ARHGEF12: variants seen among roughly 807,000 people sequenced by gnomAD.
ARHGEF12 encodes the protein KMT2A/ARHGEF12 fusion protein.
In ARHGEF12, 66 loss-of-function variants were observed where a neutral mutation model predicts 211.2. That is an observed-to-expected ratio of 0.31 (90% CI 0.26 to 0.38). The LOEUF (loss-of-function observed/expected upper bound fraction) is 0.38. ARHGEF12 is among the 10% of genes least tolerant of loss of function. ARHGEF12 has a pLI of 1.00. For missense variants in ARHGEF12, 1,429 were observed against 1,869.5 expected (o/e 0.76, Z 4.34); for synonymous variants, 592 against 638.4 (o/e 0.93, Z 1.09).
At chr11:120,385,545 A>C (rs914941716) in intron 1 of ARHGEF12, 2 of 940,334 alleles carry the variant, frequency 2.1e-6, no homozygotes, top group Non-Finnish European at 2.5e-6. Context: ...AAATGGTAGA[A>C]AAATAGCTTC....
At chr11:120,369,473 TAAAG>T (rs2135403247) in intron 1 of ARHGEF12, among the ~76,000 whole-genome samples, 1 of 152,316 alleles carries the variant, frequency 6.6e-6, no homozygotes, top group East Asian at 1.9e-4. Flanking sequence ...ATTTCAGAGA[TAAAG>T]GAGAGCTATT....
intron 29 of ARHGEF12, among the ~76,000 whole-genome samples, chr11:120,469,024 G>A (rs2135946284): frequency 6.6e-6 from 1 of 152,220 alleles, no homozygotes; most frequent in East Asian, 1.9e-4. Context: ...TTCACGTAAA[G>A]CATCTCTTCT....
chr11:120,374,104 G>A (rs1943662249), intron 1 of ARHGEF12, among the ~76,000 whole-genome samples: 1 of 152,146 alleles, frequency 6.6e-6, no homozygotes, highest in Non-Finnish European at 1.5e-5. Context: ...ACCGCACCCG[G>A]CCAAAAAATG....
Position 120,448,228 on chromosome 11 carries a change from C to A in ARHGEF12, c.1623-6C>A. ...GTCTTAATTTACTTCGTCCTTTCTCCTCCAGCTCCACCATGCAGTATGTTA... is the reference window on the plus strand; with the variant it reads ...GTCTTAATTTACTTCGTCCTTTCTCATCCAGCTCCACCATGCAGTATGTTA... On this transcript the variant is annotated splice_polypyrimidine_tract_variant and splice_region_variant and intron_variant, in intron 19 of 40. Coordinates refer to ENST00000397843, the MANE Select transcript of ARHGEF12 (RefSeq NM_015313.3). The A allele has an allele frequency of 6.2e-7, 1 of 1,602,776 alleles. No individual in the cohort carries two copies. Among genetic ancestry groups the A allele is most frequent in the Non-Finnish European group, 8.5e-7 (1 of 1,171,706 alleles).
chr11:120,480,491 TTTTGAAATGGATG>T, intron 38 of ARHGEF12, 61 bp downstream of exon 38: 1 of 1,484,612 alleles, frequency 6.7e-7, no homozygotes, highest in South Asian at 1.3e-5. Context: ...CTGTCCTGTA[TTTTGAAATGGATG>T]TTGTATTGGT....
chr11:120,386,247 A>G (rs1410257416), intron 1 of ARHGEF12, among the ~76,000 whole-genome samples: 1 of 152,108 alleles, frequency 6.6e-6, no homozygotes, highest in African/African-American at 2.4e-5. Context: ...GAACCAAGGG[A>G]TGAATGTGAA....
Position 120,478,241 on chromosome 11 carries a change from T to G in ARHGEF12, c.3618T>G (p.Arg1206=). 6.8e-6 allele frequency: 11 copies of G among 1,614,212 alleles called. No homozygotes were observed. The highest frequency in any genetic ancestry group is 7.6e-6 in the Non-Finnish European group (9 of 1,180,040). The part of the protein sequence containing the change: ...SLSTSGKSEV[R]DLFVAERQFA... ...GTACCTCTGGGAAATCAGAGGTACGTGATCTGTTTGTGGCTGAGAGACAGT... is the reference window on the plus strand; with the variant it reads ...GTACCTCTGGGAAATCAGAGGTACGGGATCTGTTTGTGGCTGAGAGACAGT... The change falls in exon 37 of 41, where the codon CGT becomes CGG. Residue 1206 remains arginine (R), a synonymous_variant. Transcript: ENST00000397843.
Position 120,459,487 on chromosome 11 carries a change from A to G in ARHGEF12, c.2527+167A>G. Reference sequence around the variant, plus strand: ...ACTTTGACTAGATCCTTTTCCTCACAATCAATCTTTCATGTACAATGTGTC... The same window carrying G: ...ACTTTGACTAGATCCTTTTCCTCACGATCAATCTTTCATGTACAATGTGTC... On this transcript the variant is annotated intron_variant, in intron 26 of 40. Transcript: ENST00000397843. The G allele has an allele frequency of 3.9e-6, 3 of 762,998 alleles. No individual in the cohort carries two copies. In the South Asian group the frequency reaches 6.1e-5, roughly 16 times the overall value. 47.3% of individuals were successfully genotyped at this position (762,998 alleles called of 1,614,324 possible). A position where few individuals can be genotyped will look rare whatever the true frequency, so the allele number is the denominator to read the frequency against.
chr11:120,485,678 T>G lies in ARHGEF12; in HGVS notation c.*601T>G. The G allele has an allele frequency of 4.3e-6, 1 of 233,934 alleles. No individual in the cohort carries two copies. The highest frequency in any genetic ancestry group is 8.5e-6 in the Non-Finnish European group (1 of 118,220). The allele number at this position is 233,934 out of a possible 1,614,324, so 14.5% of individuals were successfully genotyped here. A position where few individuals can be genotyped will look rare whatever the true frequency, so the allele number is the denominator to read the frequency against. On this transcript the variant is annotated 3_prime_UTR_variant, in exon 41 of 41. Transcript: ENST00000397843. Reference sequence around the variant, plus strand: ...TCTCTGCTGTCCAGTAGGCTGCTTCTCTGAGGGTCACCTCAAAGGTATGCT... The same window carrying G: ...TCTCTGCTGTCCAGTAGGCTGCTTCGCTGAGGGTCACCTCAAAGGTATGCT...
intron 27 of ARHGEF12, chr11:120,465,004 A>C (rs892587306): frequency 9.0e-5 from 39 of 435,322 alleles, no homozygotes; most frequent in Admixed American, 4.2e-4. Flanking sequence ...ACACTGTCTC[A>C]AAAAAAAGAA....
intron 1 of ARHGEF12, among the ~76,000 whole-genome samples, chr11:120,375,632 A>G (rs1233027312): frequency 6.6e-6 from 1 of 151,714 alleles, no homozygotes; most frequent in East Asian, 1.9e-4. Context: ...AAAATAACAT[A>G]TACCCCATAG....
chr11:120,408,017 T>G (rs1394865162), intron 3 of ARHGEF12, 194 bp downstream of exon 3: 1 of 477,288 alleles, frequency 2.1e-6, no homozygotes, highest in East Asian at 3.1e-5. Flanking sequence ...CACTGTACAT[T>G]CCACTACAGA....
chr11:120,377,181 G>A (rs1219609499), intron 1 of ARHGEF12, among the ~76,000 whole-genome samples: 1 of 152,114 alleles, frequency 6.6e-6, no homozygotes, highest in Non-Finnish European at 1.5e-5. Flanking sequence ...GCTTTGACAA[G>A]TGTGTATACT....
At position 120,421,869 on chromosome 11, in the gene ARHGEF12, T is replaced by A; in HGVS notation, c.348+17T>A. On this transcript the variant is annotated intron_variant, in intron 6 of 40. Transcript: ENST00000397843. ...ATCATCAAGGTAAGGAATAGGCTAT[T>A]ATAGAATTTACGGTAGGATTAAAAA... 1 of 1,598,340 alleles carries A rather than the reference T, an allele frequency of 6.3e-7. No individual in the cohort carries two copies.
At chr11:120,447,165 A>G (rs12803795) in intron 18 of ARHGEF12, 80 bp downstream of exon 18, 1 of 1,468,586 alleles carries the variant, frequency 6.8e-7, no homozygotes, top group East Asian at 2.4e-5. Context: ...GGGTAGGTTT[A>G]GAAAAACTGT....
In ARHGEF12 at chr11:120,480,347, G is replaced by A. The variant is rs758361324; in HGVS notation, c.4154G>A (p.Arg1385His). The A allele has an allele frequency of 9.9e-6, 16 of 1,614,054 alleles. No homozygotes were observed. Among genetic ancestry groups the A allele is most frequent in the Admixed American group, 3.3e-5 (2 of 60,006 alleles). Residue 1385 changes from arginine (R) to histidine (H), a missense_variant, in exon 38 of 41, where the codon CGT becomes CAT. Transcript: ENST00000397843. ...AGTGGAGAGCACTTTTTTGATGCCC[G>A]TGAAGCACATAGTGATGAGAATCCA... ...DDSGEHFFDAREAHSDENPSE... is the reference protein window; with the variant it reads ...DDSGEHFFDAHEAHSDENPSE...
intron 5 of ARHGEF12, 120 bp downstream of exon 5, chr11:120,420,971 G>C: frequency 2.4e-6 from 2 of 831,620 alleles, no homozygotes; most frequent in Non-Finnish European, 3.7e-6. Flanking sequence ...GTGGACTATT[G>C]TGCTAGATTC....
chr11:120,341,215 G>A (rs1247193384), intron 1 of ARHGEF12, among the ~76,000 whole-genome samples: 3 of 117,780 alleles, frequency 2.5e-5, no homozygotes, highest in Admixed American at 2.5e-4. Flanking sequence ...CCACCACCAC[G>A]CCTGGCTAAT....
At chr11:120,408,157 A>C in intron 3 of ARHGEF12, 1 of 191,356 alleles carries the variant, frequency 5.2e-6, no homozygotes, top group East Asian at 1.2e-4. Flanking sequence ...GTAATATGTC[A>C]TAAAACCAAG....
Sources: gnomAD v4.1 joint callset for allele counts (sites outside exome capture counted in the v4.1 genomes callset) on GRCh38, gnomAD v4.1.1 for gene constraint, MANE v1.5 for transcripts, NCBI Gene and HGNC (gene_info 2026-07-23, HGNC 2026-07-21) for gene names.